The following SERINC5 variants were observed in gnomAD, a reference collection of about 807,000 sequenced individuals.
The protein encoded by SERINC5 is serine incorporator 5.
In SERINC5, 41 loss-of-function variants were observed where a neutral mutation model predicts 63.1. That is an observed-to-expected ratio of 0.65 (90% CI 0.51 to 0.84). The LOEUF (loss-of-function observed/expected upper bound fraction) is 0.84. Ranked by LOEUF, SERINC5 falls within the 40% of genes least tolerant of loss-of-function variation. The pLI is 0.00. For synonymous variants in SERINC5, 222 were observed against 215.2 expected, an observed-to-expected ratio of 1.03 and a Z score of -0.28; for missense variants, 523 against 573.0, an observed-to-expected ratio of 0.91 and a Z score of 0.89.
At chr5:80,122,243 G>A (rs1273863743) in intron 11 of SERINC5, among the ~76,000 whole-genome samples, 1 of 133,466 alleles carries the variant, frequency 7.5e-6, no homozygotes, top group African/African-American at 3.1e-5. Context: ...TAGCTCACAC[G>A]ATCACAACGT....
At chr5:80,219,874 G>T (rs1029817513) in intron 1 of SERINC5, among the ~76,000 whole-genome samples, 1 of 151,832 alleles carries the variant, frequency 6.6e-6, no homozygotes, top group African/African-American at 2.4e-5. Flanking sequence ...TTCATTCAGG[G>T]TATTGGCTAC....
In SERINC5 at chr5:80,139,822, A is replaced by G. The variant is rs1477873753; in HGVS notation, c.*3841T>C. On this transcript the variant is annotated 3_prime_UTR_variant, in exon 12 of 12. Transcript: ENST00000507668. ...TTTCTGGGTGTGTAAGGTCTTACTTAGTTCAAGGTTTGTCCCTTCTTAGTT... is the reference window on the plus strand; with the variant it reads ...TTTCTGGGTGTGTAAGGTCTTACTTGGTTCAAGGTTTGTCCCTTCTTAGTT... 1 of 985,438 alleles carries G rather than the reference A, an allele frequency of 1.0e-6. No individual in the cohort carries two copies. Among genetic ancestry groups the G allele is most frequent in the East Asian group, 1.1e-4 (1 of 8,818 alleles). The allele number at this position is 985,438 out of a possible 1,614,324, so 61.0% of individuals were successfully genotyped here. A position where few individuals can be genotyped will look rare whatever the true frequency, so the allele number is the denominator to read the frequency against.
chr5:80,203,948 A>G (rs1185142721), intron 1 of SERINC5, among the ~76,000 whole-genome samples: 2 of 152,170 alleles, frequency 1.3e-5, no homozygotes, highest in Admixed American at 6.5e-5. Flanking sequence ...CCATGATTTA[A>G]TCAGCCGCAT....
intron 7 of SERINC5, among the ~76,000 whole-genome samples, chr5:80,165,101 C>T (rs1247598949): frequency 6.6e-6 from 1 of 151,332 alleles, no homozygotes; most frequent in African/African-American, 2.4e-5. Flanking sequence ...ATAAAAATCC[C>T]AGTAAGTTAA....
intron 2 of SERINC5, among the ~76,000 whole-genome samples, chr5:80,190,302 G>A (rs368106521): frequency 6.6e-6 from 1 of 151,760 alleles, no homozygotes; most frequent in African/African-American, 2.4e-5. Context: ...TTGTAGAGAC[G>A]GGGTTTCGTC....
Position 80,153,401 on chromosome 5 carries a change from GA to G in SERINC5, c.987-2454del, listed in dbSNP as rs1409565709. 3.2e-3 allele frequency among the ~76,000 whole-genome samples: 453 copies of G among 141,904 alleles called. 3 individuals are homozygous for G. The highest frequency in any genetic ancestry group is 9.7e-3 in the African/African-American group (380 of 39,014). The allele number at this position is 141,904 out of a possible 152,430, so 93.1% of individuals were successfully genotyped here. On this transcript the variant is annotated intron_variant, in intron 8 of 11. Coordinates refer to ENST00000507668, the MANE Select transcript of SERINC5 (RefSeq NM_001174072.3). ...TGAACCCGGGAGGCAGATGTTGCAG[GA>G]AAAAAAAAAAGATCTTTATTCAGTT...
intron 11 of SERINC5, chr5:80,116,317 A>T (rs1467128483): frequency 1.3e-5 from 6 of 456,064 alleles, no homozygotes; most frequent in Non-Finnish European, 2.6e-5. Context: ...TTCAGCATTG[A>T]TAGTTTCTGG....
Position 80,139,782 on chromosome 5 carries a change from G to A in SERINC5, c.*3881C>T, listed in dbSNP as rs1745391559. On this transcript the variant is annotated 3_prime_UTR_variant, in exon 12 of 12. Transcript: ENST00000507668. ...GGCTACTGCATTGTCCCTGAAGAAG[G>A]AGGGCCCAGTGTTCTTTCTGGGTGT... is the stretch of plus-strand genomic sequence containing the variant. The A allele has an allele frequency of 1.0e-6, 1 of 985,434 alleles. No homozygotes were observed. The allele number at this position is 985,434 out of a possible 1,614,324, so 61.0% of individuals were successfully genotyped here. A position where few individuals can be genotyped will look rare whatever the true frequency, so the allele number is the denominator to read the frequency against.
chr5:80,160,970 A>G (rs907113325), intron 7 of SERINC5, among the ~76,000 whole-genome samples: 1 of 149,424 alleles, frequency 6.7e-6, no homozygotes, highest in African/African-American at 2.5e-5. Context: ...GTGTGTATAT[A>G]TATGTATATA....
intron 11 of SERINC5, among the ~76,000 whole-genome samples, chr5:80,123,697 G>C (rs1197241133): frequency 6.6e-6 from 1 of 152,142 alleles, no homozygotes; most frequent in Non-Finnish European, 1.5e-5. Context: ...TAAGCAAAAT[G>C]ACTTCAAAGC....
chr5:80,133,720 T>C (rs1285557058), intron 11 of SERINC5, among the ~76,000 whole-genome samples: 1 of 152,202 alleles, frequency 6.6e-6, no homozygotes, highest in African/African-American at 2.4e-5. Context: ...ACAGGGGAAT[T>C]ACAATAAAGA....
Position 80,141,220 on chromosome 5 carries a change from G to T in SERINC5, c.*2443C>A. 1.0e-6 allele frequency: 1 copy of T among 985,428 alleles called. No individual in the cohort carries two copies. Among genetic ancestry groups the T allele is most frequent in the Non-Finnish European group, 1.2e-6 (1 of 829,930 alleles). The allele number at this position is 985,428 out of a possible 1,614,324, so 61.0% of individuals were successfully genotyped here. A position where few individuals can be genotyped will look rare whatever the true frequency, so the allele number is the denominator to read the frequency against. On this transcript the variant is annotated 3_prime_UTR_variant, in exon 12 of 12. Coordinates refer to ENST00000507668, the MANE Select transcript of SERINC5 (RefSeq NM_001174072.3). Reference sequence around the variant, plus strand: ...GCTGAGAATAAAATTCAGAGCAACTGTAACTCTTCCTCTTGCATCAGACCA... The same window carrying T: ...GCTGAGAATAAAATTCAGAGCAACTTTAACTCTTCCTCTTGCATCAGACCA...
intron 1 of SERINC5, among the ~76,000 whole-genome samples, chr5:80,214,326 T>G (rs913645522): frequency 1.3e-5 from 2 of 152,196 alleles, no homozygotes; most frequent in African/African-American, 4.8e-5. Context: ...TATGAGTGAC[T>G]ATGCTCTTCT....
intron 2 of SERINC5, among the ~76,000 whole-genome samples, chr5:80,187,144 T>C (rs1308000824): frequency 1.3e-5 from 2 of 151,916 alleles, no homozygotes; most frequent in East Asian, 3.9e-4. Context: ...CCAGCTTGGG[T>C]GACAAAGCAA....
At chr5:80,206,259 C>T (rs1023783165) in intron 1 of SERINC5, among the ~76,000 whole-genome samples, 1 of 152,190 alleles carries the variant, frequency 6.6e-6, no homozygotes, top group Admixed American at 6.5e-5. Context: ...TCAAAACAAG[C>T]ATCAATTAGA....
intron 1 of SERINC5, among the ~76,000 whole-genome samples, chr5:80,224,892 G>C (rs1171542079): frequency 6.6e-6 from 1 of 151,094 alleles, no homozygotes; most frequent in African/African-American, 2.4e-5. Context: ...CCAAAGTGCT[G>C]GAATTACAGG....
At chr5:80,230,058 T>C (rs1057271921) in intron 1 of SERINC5, among the ~76,000 whole-genome samples, 45 of 152,086 alleles carry the variant, frequency 3.0e-4, no homozygotes, top group African/African-American at 1.1e-3. Context: ...CTCCCACTGC[T>C]CAGGAAATTC....
At chr5:80,197,335 G>C (rs1324938366) in intron 2 of SERINC5, among the ~76,000 whole-genome samples, 1 of 30,076 alleles carries the variant, frequency 3.3e-5, no homozygotes, top group African/African-American at 1.0e-4. Context: ...GAGAGAGAGA[G>C]AGAGAGAGAG....
intron 10 of SERINC5, 54 bp from the exon 11 acceptor site, chr5:80,146,288 T>C: frequency 6.3e-7 from 1 of 1,599,640 alleles, no homozygotes; most frequent in East Asian, 2.2e-5. Flanking sequence ...GTGTTTACCA[T>C]TCAGCAAAGT....
Sources: gnomAD v4.1 joint callset for allele counts (sites outside exome capture counted in the v4.1 genomes callset) on GRCh38, gnomAD v4.1.1 for gene constraint, MANE v1.5 for transcripts, NCBI Gene and HGNC (gene_info 2026-07-23, HGNC 2026-07-21) for gene names.